The following SLC16A4 variants were observed in gnomAD, a reference collection of about 807,000 sequenced individuals.
The protein encoded by SLC16A4 is solute carrier family 16 member 4, also known as probable monocarboxylate transporter 5.
In SLC16A4, 39 loss-of-function variants were observed where a neutral mutation model predicts 47.9. The ratio of observed to expected loss-of-function variants is 0.81; its 90% CI spans 0.63 to 1.06. The LOEUF is 1.06. Ranked by LOEUF, SLC16A4 falls within the 50% of genes least tolerant of loss-of-function variation. The pLI is 0.00. For missense variants in SLC16A4, 524 were observed against 573.8 expected (o/e 0.91, Z 0.89); for synonymous variants, 189 against 199.9 (o/e 0.95, Z 0.46).
intron 5 of SLC16A4, 89 bp from the exon 6 acceptor site, chr1:110,379,445 C>T (rs534026240): frequency 5.0e-5 from 60 of 1,205,392 alleles, no homozygotes; most frequent in Non-Finnish European, 6.0e-5. Context: ...GCCCCACTGG[C>T]ATAGCCCATT....
At chr1:110,380,496 A>C (rs1662311245) in intron 5 of SLC16A4, among the ~76,000 whole-genome samples, 1 of 152,192 alleles carries the variant, frequency 6.6e-6, no homozygotes, top group African/African-American at 2.4e-5. Context: ...ATAAACTCTT[A>C]AGGAACATAC....
intron 5 of SLC16A4, among the ~76,000 whole-genome samples, chr1:110,380,351 G>A (rs779390822): frequency 6.6e-6 from 1 of 152,004 alleles, no homozygotes; most frequent in Non-Finnish European, 1.5e-5. Context: ...ATAGCAATAG[G>A]CATATGAATA....
rs941483119 is a variant in SLC16A4 at position 110,376,967 on chromosome 1, A to T, written c.1225T>A (p.Leu409Met). 22 of 1,613,772 alleles carry T rather than the reference A, an allele frequency of 1.4e-5. No individual in the cohort carries two copies. The African/African-American group carries it at 2.3e-4, about 17-fold the overall frequency. The change falls in exon 7 of 9, where the codon TTG becomes ATG. Residue 409 changes from leucine to methionine, a missense_variant. By Grantham distance (15) the Leu-to-Met change is conservative. Coordinates refer to ENST00000369779, the MANE Select transcript of SLC16A4 (RefSeq NM_004696.3). ...FAIFAGGYLA[L>M]ILPVLVDLCR... ...CTACTCACCAGTACAGGCAGTATCA[A>T]TGCCAGGTAACCACCAGCAAAGATG... is the stretch of plus-strand genomic sequence containing the variant.
In SLC16A4 at chr1:110,367,890, G is replaced by A. The variant is rs549404543; in HGVS notation, c.1337-3997C>T. On this transcript the variant is annotated intron_variant, in intron 8 of 8. Transcript: ENST00000369779. The stretch of plus-strand genomic sequence containing the variant: ...GTTGCCCAGGCTGGAGTGCAGTGGC[G>A]CAATCTCCACTCACTCCCAGCTCCG... Among the ~76,000 whole-genome samples, 86 of 152,126 alleles carry A rather than the reference G, an allele frequency of 5.7e-4. 1 individual carries two copies. Among genetic ancestry groups the A allele is most frequent in the African/African-American group, 1.8e-3 (76 of 41,516 alleles).
intron 8 of SLC16A4, among the ~76,000 whole-genome samples, chr1:110,368,416 T>C (rs1661509493): frequency 6.6e-6 from 1 of 152,242 alleles, no homozygotes; most frequent in Non-Finnish European, 1.5e-5. Context: ...TGAAGACCTC[T>C]GTAAGCATTT....
chr1:110,366,261 G>A (rs1167515886), intron 8 of SLC16A4, among the ~76,000 whole-genome samples: 4 of 151,962 alleles, frequency 2.6e-5, no homozygotes, highest in African/African-American at 9.7e-5. Flanking sequence ...AGGTTCAAGT[G>A]ATTCTCTTGC....
At chr1:110,385,514 C>T (rs1662685866) in intron 2 of SLC16A4, among the ~76,000 whole-genome samples, 1 of 152,170 alleles carries the variant, frequency 6.6e-6, no homozygotes, top group Admixed American at 6.5e-5. Context: ...ACTCACATTT[C>T]CCTTATCCTA....
At chr1:110,380,611 AGT>A (rs1192322415) in intron 5 of SLC16A4, among the ~76,000 whole-genome samples, 1 of 101,048 alleles carries the variant, frequency 9.9e-6, no homozygotes, top group African/African-American at 4.0e-5. Context: ...AAATGGGAAA[AGT>A]GAGGGTTTTT....
At chr1:110,383,434 T>A (rs1662538727) in intron 2 of SLC16A4, among the ~76,000 whole-genome samples, 1 of 152,092 alleles carries the variant, frequency 6.6e-6, no homozygotes, top group Non-Finnish European at 1.5e-5. Context: ...GCCAGTGAGT[T>A]GGGAGTGCTG....
chr1:110,387,388 T>C (rs1280446909), intron 2 of SLC16A4, among the ~76,000 whole-genome samples: 1 of 152,218 alleles, frequency 6.6e-6, no homozygotes, highest in Non-Finnish European at 1.5e-5. Context: ...AACATTGTTA[T>C]TTTTCACTTA....
chr1:110,389,358 G>A lies in SLC16A4; in HGVS notation c.-32-3C>T. 6.7e-7 allele frequency: 1 copy of A among 1,488,864 alleles called. No homozygotes were observed. Among genetic ancestry groups the A allele is most frequent in the Non-Finnish European group, 9.4e-7 (1 of 1,066,284 alleles). 92.2% of individuals were successfully genotyped at this position (1,488,864 alleles called of 1,614,324 possible). ...TCTATTTTAAATGCAGAAGATCCCT[G>A]TGATAAATCCAAGACAGTTGATTCA... On this transcript the variant is annotated splice_region_variant and splice_polypyrimidine_tract_variant and intron_variant, in intron 1 of 8. Transcript: ENST00000369779.
In SLC16A4 at chr1:110,389,266, C is replaced by T. The variant is rs775767173; in HGVS notation, c.58G>A (p.Gly20Arg). 2 of 1,613,954 alleles carry T rather than the reference C, an allele frequency of 1.2e-6. No homozygotes were observed. Among genetic ancestry groups the T allele is most frequent in the East Asian group, 2.2e-5 (1 of 44,884 alleles). Reference protein sequence around the residue: ...PYTKTLDGGWGWMIVIHFFLV... With the variant: ...PYTKTLDGGWRWMIVIHFFLV... ...AAAAAATGAATCACAATCATCCATC[C>T]CCATCCTCCATCCAGGGTTTTAGTG... Residue 20 changes from glycine (G) to arginine (R), a missense_variant, in exon 2 of 9, where the codon GGA becomes AGA. Physicochemically the swap from Gly to Arg is moderately radical, Grantham distance 125. Transcript: ENST00000369779.
intron 8 of SLC16A4, chr1:110,372,753 A>G (rs897688060): frequency 6.6e-6 from 1 of 152,178 alleles, no homozygotes; most frequent in African/African-American, 2.4e-5. Flanking sequence ...GCTTCCTTTG[A>G]CTTTTTTGTA....
chr1:110,371,554 CAG>C (rs1661683647), intron 8 of SLC16A4: 2 of 152,202 alleles, frequency 1.3e-5, no homozygotes, highest in Admixed American at 6.5e-5. Flanking sequence ...CTTCTGTTAA[CAG>C]GGGTCTGTGA....
At chr1:110,385,561 C>A (rs1406850254) in intron 2 of SLC16A4, among the ~76,000 whole-genome samples, 15 of 152,158 alleles carry the variant, frequency 9.9e-5, no homozygotes, top group Admixed American at 6.5e-4. Flanking sequence ...TGGTACCATC[C>A]ACCCATTCAT....
intron 8 of SLC16A4, among the ~76,000 whole-genome samples, chr1:110,365,946 CTTTT>C (rs1437612720): frequency 6.6e-6 from 1 of 151,976 alleles, no homozygotes; most frequent in African/African-American, 2.4e-5. Flanking sequence ...CCTTTTCTTT[CTTTT>C]CTTTTCTTTT....
intron 8 of SLC16A4, among the ~76,000 whole-genome samples, chr1:110,365,973 T>C (rs77930249): frequency 0.034 from 5,156 of 152,138 alleles, 109 homozygotes; most frequent in Non-Finnish European, 0.055. Flanking sequence ...TAAAATTTCT[T>C]GTAGAGACTG....
At chr1:110,389,468 C>T in intron 1 of SLC16A4, 113 bp from the exon 2 acceptor site, 1 of 716,860 alleles carries the variant, frequency 1.4e-6, no homozygotes, top group East Asian at 2.7e-5. Context: ...CAAATTAGTT[C>T]AGCCACTGTG....
intron 2 of SLC16A4, among the ~76,000 whole-genome samples, chr1:110,387,383 T>C (rs1442975549): frequency 6.6e-6 from 1 of 152,184 alleles, no homozygotes; most frequent in Non-Finnish European, 1.5e-5. Context: ...CAAAGAACAT[T>C]GTTATTTTTC....
Sources: allele counts gnomAD v4.1 joint callset (sites outside exome capture counted in the v4.1 genomes callset), GRCh38; gene constraint gnomAD v4.1.1; transcripts MANE v1.5; gene names NCBI Gene and HGNC (gene_info 2026-07-23, HGNC 2026-07-21).